The following CCSER1 variants were observed in gnomAD, a reference collection of about 807,000 sequenced individuals.
CCSER1 encodes serine-rich coiled-coil domain-containing protein 1.
CCSER1 carries 41 observed loss-of-function variants against 82.0 expected under a neutral mutation model. The ratio of observed to expected loss-of-function variants is 0.50; its 90% CI spans 0.39 to 0.65. CCSER1 has a LOEUF of 0.65. CCSER1 is among the 30% of genes least tolerant of loss of function. The pLI, the probability that CCSER1 is intolerant of heterozygous loss-of-function variation, is 0.00. For missense variants in CCSER1, 1,119 were observed against 1,064.2 expected (o/e 1.05, Z -0.72); for synonymous variants, 414 against 383.9 (o/e 1.08, Z -0.92).
At chr4:91,409,517 A>G (rs916149334) in intron 10 of CCSER1, among the ~76,000 whole-genome samples, 1 of 152,134 alleles carries the variant, frequency 6.6e-6, no homozygotes, top group Non-Finnish European at 1.5e-5. Flanking sequence ...GTTCTATTTT[A>G]AAAAATTTTC....
chr4:91,307,146 T>C (rs1745127126), intron 10 of CCSER1, among the ~76,000 whole-genome samples: 1 of 151,970 alleles, frequency 6.6e-6, no homozygotes, highest in Admixed American at 6.6e-5. Flanking sequence ...TTGAAAGAGT[T>C]GTGGTTATAT....
chr4:91,574,867 C>T (rs1051708189), intron 10 of CCSER1, among the ~76,000 whole-genome samples: 1 of 151,836 alleles, frequency 6.6e-6, no homozygotes, highest in Non-Finnish European at 1.5e-5. Context: ...CAAACCTGCA[C>T]ATGTACCCCG....
At chr4:90,691,922 A>G (rs1250547357) in intron 6 of CCSER1, among the ~76,000 whole-genome samples, 1 of 151,590 alleles carries the variant, frequency 6.6e-6, no homozygotes, top group Non-Finnish European at 1.5e-5. Flanking sequence ...CTCAATAGAA[A>G]CACTTATATT....
At chr4:90,154,378 A>G (rs189770377) in intron 1 of CCSER1, among the ~76,000 whole-genome samples, 117 of 152,332 alleles carry the variant, frequency 7.7e-4, no homozygotes, top group Non-Finnish European at 1.1e-3. Flanking sequence ...TTTTGGTTCC[A>G]TATGAACTTT....
At chr4:90,652,749 T>C (rs1728989205) in intron 6 of CCSER1, among the ~76,000 whole-genome samples, 1 of 152,174 alleles carries the variant, frequency 6.6e-6, no homozygotes, top group Non-Finnish European at 1.5e-5. Flanking sequence ...AGTTAATCTC[T>C]ATTCCCCATT....
In CCSER1 at chr4:91,107,793, G is replaced by A. The variant is rs1237394020; in HGVS notation, c.2217+21799G>A. Among the ~76,000 whole-genome samples, 4 of 152,034 alleles carry A rather than the reference G, an allele frequency of 2.6e-5. No individual in the cohort carries two copies. The East Asian group carries it at 7.7e-4, about 29-fold the overall frequency. On this transcript the variant is annotated intron_variant, in intron 10 of 10. Transcript: ENST00000509176. ...GTGGGAAAGACATTAAGGCACTGTG[G>A]TTAGGGAAGTTATGTCAGTAATAGC...
Position 90,782,303 on chromosome 4 carries a change from A to T in CCSER1, c.2011-33459A>T, listed in dbSNP as rs1753880155. On this transcript the variant is annotated intron_variant, in intron 7 of 10. Coordinates refer to ENST00000509176, the MANE Select transcript of CCSER1 (RefSeq NM_001145065.2). ...CTTCAAATTTCAGCCTAATTAGAAG[A>T]CAGTAGATCACTCACACATTCATTC... Among the ~76,000 whole-genome samples, 2 of 152,220 alleles carry T rather than the reference A, an allele frequency of 1.3e-5. 1 individual carries two copies. The highest frequency in any genetic ancestry group is 1.3e-4 in the Admixed American group (2 of 15,278).
intron 1 of CCSER1, among the ~76,000 whole-genome samples, chr4:90,213,709 G>A (rs1049484252): frequency 6.6e-6 from 1 of 152,180 alleles, no homozygotes; most frequent in Non-Finnish European, 1.5e-5. Context: ...AGTAAGGAAA[G>A]TACATCAAGA....
intron 8 of CCSER1, among the ~76,000 whole-genome samples, chr4:90,848,363 T>C (rs917714554): frequency 7.2e-5 from 11 of 152,170 alleles, no homozygotes; most frequent in African/African-American, 2.7e-4. Context: ...CTCTAAGATA[T>C]AAGTGGCAAT....
At chr4:90,141,791 A>T (rs1724842887) in intron 1 of CCSER1, among the ~76,000 whole-genome samples, 1 of 152,246 alleles carries the variant, frequency 6.6e-6, no homozygotes, top group African/African-American at 2.4e-5. Context: ...TAATATGCCA[A>T]GTTATTACAC....
At chr4:90,173,658 T>G (rs1262211187) in intron 1 of CCSER1, among the ~76,000 whole-genome samples, 2 of 151,872 alleles carry the variant, frequency 1.3e-5, no homozygotes, top group East Asian at 3.9e-4. Flanking sequence ...GAAATCAAAG[T>G]CAGTTCAGAC....
intron 5 of CCSER1, among the ~76,000 whole-genome samples, chr4:90,488,912 G>A (rs1173271380): frequency 6.6e-6 from 1 of 152,092 alleles, no homozygotes; most frequent in Non-Finnish European, 1.5e-5. Context: ...TGTCAGGAGA[G>A]GTTTGAGGAG....
intron 7 of CCSER1, among the ~76,000 whole-genome samples, chr4:90,759,133 C>T (rs1275624915): frequency 6.6e-6 from 1 of 152,174 alleles, no homozygotes; most frequent in East Asian, 1.9e-4. Flanking sequence ...TATTTCTAGA[C>T]ACCAACGCTT....
chr4:91,526,821 G>A (rs1016333197), intron 10 of CCSER1, among the ~76,000 whole-genome samples: 1 of 151,950 alleles, frequency 6.6e-6, no homozygotes, highest in Non-Finnish European at 1.5e-5. Context: ...TCGAACTCCT[G>A]ATGTCAGGTG....
At chr4:90,825,106 C>T (rs1340088431) in intron 8 of CCSER1, among the ~76,000 whole-genome samples, 1 of 152,236 alleles carries the variant, frequency 6.6e-6, no homozygotes, top group South Asian at 2.1e-4. Flanking sequence ...AGCAATAGTA[C>T]ATATTTGTTA....
Position 91,565,025 on chromosome 4 carries a change from GTTGTGTGTGTGTGTGTGTGTGTGTGTGT to G in CCSER1, c.2218-33546_2218-33519del, listed in dbSNP as rs1240801666. ...AATTTAAGTCTTTAATGCACCTTGAGTTGTGTGTGTGTGTGTGTGTGTGTGTGTGTGTGTGTGTGTGTGTGTGTGTGTG... is the reference window on the plus strand; with the variant it reads ...AATTTAAGTCTTTAATGCACCTTGAGGTGTGTGTGTGTGTGTGTGTGTGTG... On this transcript the variant is annotated intron_variant, in intron 10 of 10. Transcript: ENST00000509176. Among the ~76,000 whole-genome samples, 8 of 120,424 alleles carry G rather than the reference GTTGTGTGTGTGTGTGTGTGTGTGTGTGT, an allele frequency of 6.6e-5. No individual in the cohort carries two copies. The South Asian group carries it at 2.2e-3, about 34-fold the overall frequency. The allele number at this position is 120,424 out of a possible 152,430, so 79.0% of individuals were successfully genotyped here.
At chr4:91,195,501 GGTC>G (rs1227032363) in intron 10 of CCSER1, among the ~76,000 whole-genome samples, 1 of 152,008 alleles carries the variant, frequency 6.6e-6, no homozygotes, top group Non-Finnish European at 1.5e-5. Flanking sequence ...CCTTCCTCAG[GGTC>G]TACTTGAATC....
chr4:90,898,538 T>TA (rs1291692885), intron 8 of CCSER1, among the ~76,000 whole-genome samples: 2 of 151,610 alleles, frequency 1.3e-5, no homozygotes, highest in East Asian at 2.0e-4. Flanking sequence ...TTCCCCCGCC[T>TA]TGGCCTCCCA....
chr4:90,302,983 C>A (rs1342220958), intron 1 of CCSER1, among the ~76,000 whole-genome samples: 2 of 152,100 alleles, frequency 1.3e-5, no homozygotes, highest in African/African-American at 4.8e-5. Context: ...TATGGATAAT[C>A]TTGACCTATA....
Sources: gnomAD v4.1 joint callset for allele counts (sites outside exome capture counted in the v4.1 genomes callset) on GRCh38, gnomAD v4.1.1 for gene constraint, MANE v1.5 for transcripts, NCBI Gene and HGNC (gene_info 2026-07-23, HGNC 2026-07-21) for gene names.